Variants in ASAP1 observed in about 807,000 individuals in gnomAD.
The protein encoded by ASAP1 is ArfGAP with SH3 domain, ankyrin repeat and PH domain 1.
Under a neutral mutation model 145.2 loss-of-function variants are expected in ASAP1, and 43 were observed. That is an observed-to-expected ratio of 0.30 (90% CI 0.23 to 0.38). The LOEUF (loss-of-function observed/expected upper bound fraction) is 0.38, where lower values mean the gene tolerates loss of function less well. Ranked by LOEUF, ASAP1 falls within the 10% of genes least tolerant of loss-of-function variation. The pLI is 1.00. For synonymous variants in ASAP1, 546 were observed against 515.5 expected, an observed-to-expected ratio of 1.06 and a Z score of -0.80; for missense variants, 1,018 against 1,355.3, an observed-to-expected ratio of 0.75 and a Z score of 3.91.
chr8:130,054,887 T>C (rs1210990503), intron 29 of ASAP1, 82 bp from the exon 30 acceptor site: 20 of 1,097,716 alleles, frequency 1.8e-5, no homozygotes, highest in Non-Finnish European at 2.8e-5. Flanking sequence ...GAGCCCAGCC[T>C]AGTCTGCCCA....
At chr8:130,208,629 C>G (rs552926837) in intron 5 of ASAP1, 3 of 152,160 alleles carry the variant, frequency 2.0e-5, no homozygotes, top group Non-Finnish European at 4.4e-5. Flanking sequence ...CTTGCACGTA[C>G]TTGGGTCATC....
intron 2 of ASAP1, among the ~76,000 whole-genome samples, chr8:130,390,029 G>A (rs377722646): frequency 4.7e-4 from 71 of 152,296 alleles, no homozygotes; most frequent in African/African-American, 1.6e-3. Flanking sequence ...TAAAATGCAG[G>A]TTCCTTGACC....
chr8:130,341,723 C>T (rs1012532459), intron 3 of ASAP1, among the ~76,000 whole-genome samples: 3 of 152,090 alleles, frequency 2.0e-5, no homozygotes, highest in African/African-American at 2.4e-5. Flanking sequence ...GTGAAGGACA[C>T]GTACCAAGTG....
At chr8:130,346,724 T>G (rs1825724347) in intron 3 of ASAP1, among the ~76,000 whole-genome samples, 1 of 152,252 alleles carries the variant, frequency 6.6e-6, no homozygotes, top group South Asian at 2.1e-4. Flanking sequence ...TGGCACCAGT[T>G]TATTTATTGG....
At chr8:130,434,727 C>T (rs904393599) in intron 1 of ASAP1, among the ~76,000 whole-genome samples, 2 of 152,082 alleles carry the variant, frequency 1.3e-5, no homozygotes, top group East Asian at 1.9e-4. Flanking sequence ...AGATCACAAA[C>T]GCAATGACAT....
intron 1 of ASAP1, among the ~76,000 whole-genome samples, chr8:130,423,489 T>A (rs1461559729): frequency 6.6e-6 from 1 of 152,142 alleles, no homozygotes; most frequent in Non-Finnish European, 1.5e-5. Flanking sequence ...TTGTCAAAAG[T>A]AAGTATTTGG....
At chr8:130,369,615 A>G (rs1427403075) in intron 2 of ASAP1, among the ~76,000 whole-genome samples, 3 of 152,262 alleles carry the variant, frequency 2.0e-5, no homozygotes, top group African/African-American at 2.4e-5. Flanking sequence ...AAGCACATGA[A>G]AAGATGCTGA....
At chr8:130,156,996 T>C (rs2097659377) in intron 12 of ASAP1, among the ~76,000 whole-genome samples, 1 of 152,226 alleles carries the variant, frequency 6.6e-6, no homozygotes, top group African/African-American at 2.4e-5. Flanking sequence ...TTTATACTTT[T>C]GCTTCAATAG....
intron 2 of ASAP1, among the ~76,000 whole-genome samples, chr8:130,361,994 G>A (rs1404086120): frequency 6.6e-6 from 1 of 152,080 alleles, no homozygotes; most frequent in East Asian, 1.9e-4. Flanking sequence ...CTCTTACTCT[G>A]AGCACTGCTG....
At chr8:130,266,190 G>T (rs186574989) in intron 3 of ASAP1, among the ~76,000 whole-genome samples, 292 of 152,264 alleles carry the variant, frequency 1.9e-3, no homozygotes, top group African/African-American at 6.9e-3. Flanking sequence ...ACAGAGAGAT[G>T]CAAGAAAGCT....
At position 130,116,886 on chromosome 8, in the gene ASAP1, C is replaced by G. The variant is rs1210861620; in HGVS notation, c.1990G>C (p.Asp664His). 6.2e-7 allele frequency: 1 copy of G among 1,612,760 alleles called. No individual in the cohort carries two copies. Among genetic ancestry groups the G allele is most frequent in the Non-Finnish European group, 8.5e-7 (1 of 1,178,948 alleles). The part of the protein sequence containing the change: ...KLLLRSKPTV[D>H]IVNQAGETAL... The stretch of plus-strand genomic sequence containing the variant: ...ACACTAGACACACTCTTACCTATAT[C>G]CACAGTGGGCTTGCTCCTGAGCAAA... The change falls in exon 21 of 30, where the codon GAT becomes CAT. Residue 664 changes from aspartate (D) to histidine (H), a missense_variant. Asp to His is a moderately conservative substitution (Grantham distance 81). This residue lies in a region of ASAP1 where 353 missense variants were observed against 375.4 expected (regional missense o/e 0.94). Transcript: ENST00000518721.
At chr8:130,072,831 G>GTGTGCGTGCGCGCGC (rs58907739) in intron 27 of ASAP1, among the ~76,000 whole-genome samples, 3 of 110,694 alleles carry the variant, frequency 2.7e-5, no homozygotes, top group Non-Finnish European at 6.0e-5. Context: ...GTGTGCGCGC[G>GTGTGCGTGCGCGCGC]GGGGGGGGCA....
intron 3 of ASAP1, among the ~76,000 whole-genome samples, chr8:130,296,387 C>T (rs1238901759): frequency 1.3e-5 from 2 of 152,160 alleles, no homozygotes; most frequent in Admixed American, 6.5e-5. Context: ...ACACAGAGCT[C>T]GGGCCACTGG....
At chr8:130,199,835 A>T (rs994523849) in intron 5 of ASAP1, among the ~76,000 whole-genome samples, 7 of 151,802 alleles carry the variant, frequency 4.6e-5, no homozygotes, top group African/African-American at 1.7e-4. Flanking sequence ...CAACAAAGTA[A>T]CAAAAACAAA....
intron 3 of ASAP1, among the ~76,000 whole-genome samples, chr8:130,286,121 T>A (rs62525928): frequency 0.19 from 28,255 of 152,182 alleles, 3,303 homozygotes; most frequent in East Asian, 0.44. Context: ...ATTTTCTAAA[T>A]GAAGAAAAGA....
intron 25 of ASAP1, among the ~76,000 whole-genome samples, chr8:130,087,992 G>A (rs912112915): frequency 6.6e-6 from 1 of 152,166 alleles, no homozygotes; most frequent in Admixed American, 6.5e-5. Context: ...GTGACTCTTT[G>A]GGGGTCAGAG....
chr8:130,149,040 G>A (rs1406225824), intron 13 of ASAP1, among the ~76,000 whole-genome samples: 2 of 147,662 alleles, frequency 1.4e-5, no homozygotes. Flanking sequence ...TAGAGATAGG[G>A]TTTCTCCATG....
intron 24 of ASAP1, 152 bp from the exon 25 acceptor site, chr8:130,092,295 T>C (rs1421752950): frequency 3.6e-6 from 3 of 827,888 alleles, no homozygotes; most frequent in East Asian, 3.3e-5. Context: ...ATCAACCTAA[T>C]AACTCACAAG....
At chr8:130,179,001 C>T (rs898305894) in intron 9 of ASAP1, 17 of 309,592 alleles carry the variant, frequency 5.5e-5, no homozygotes, top group South Asian at 5.0e-4. Context: ...GCTCCACAGG[C>T]GATCAAATTT....
Sources: gnomAD v4.1 joint callset for allele counts (sites outside exome capture counted in the v4.1 genomes callset) on GRCh38, gnomAD v4.1.1 for gene constraint, gnomAD v4.1.1 regional missense constraint, MANE v1.5 for transcripts, NCBI Gene and HGNC (gene_info 2026-07-23, HGNC 2026-07-21) for gene names.